TTLL11: variants seen among roughly 807,000 people sequenced by gnomAD.
TTLL11 encodes the protein tubulin tyrosine ligase like 11, also known as tubulin polyglutamylase TTLL11.
TTLL11 carries 42 observed loss-of-function variants against 51.7 expected under a neutral mutation model. The ratio of observed to expected loss-of-function variants is 0.81; its 90% CI spans 0.64 to 1.05. The LOEUF is 1.05. TTLL11 is among the 50% of genes least tolerant of loss of function. The pLI is 0.00. For synonymous variants in TTLL11, 381 were observed against 383.5 expected (o/e 0.99, Z 0.08); for missense variants, 799 against 940.4 (o/e 0.85, Z 1.97).
chr9:121,981,933 A>G (rs554578726), intron 4 of TTLL11, among the ~76,000 whole-genome samples: 13 of 152,254 alleles, frequency 8.5e-5, no homozygotes, highest in Non-Finnish European at 1.9e-4. Flanking sequence ...TCCCCCAGTT[A>G]TTCTTTGTCC....
chr9:121,916,519 A>G (rs1307579669), intron 6 of TTLL11, among the ~76,000 whole-genome samples: 1 of 139,476 alleles, frequency 7.2e-6, no homozygotes, highest in African/African-American at 3.1e-5. Context: ...ACAAAGCAAT[A>G]AAGAAAAAAA....
intron 2 of TTLL11, among the ~76,000 whole-genome samples, chr9:122,035,884 CCCCTG>C (rs1156885143): frequency 4.6e-5 from 7 of 152,196 alleles, no homozygotes; most frequent in African/African-American, 1.7e-4. Context: ...CATCACCCCT[CCCCTG>C]CCCTGCTCAC....
At chr9:121,882,027 T>C (rs1458157854) in intron 6 of TTLL11, among the ~76,000 whole-genome samples, 1 of 152,220 alleles carries the variant, frequency 6.6e-6, no homozygotes, top group Non-Finnish European at 1.5e-5. Flanking sequence ...TCTCCCTATG[T>C]CGCAGCATTG....
chr9:121,945,971 A>T (rs557748611), intron 6 of TTLL11, among the ~76,000 whole-genome samples: 3 of 152,152 alleles, frequency 2.0e-5, no homozygotes, highest in East Asian at 1.9e-4. Flanking sequence ...TCGAAAATAT[A>T]AAAAAAACTC....
At chr9:121,828,609 G>A (rs369467805) in intron 8 of TTLL11, among the ~76,000 whole-genome samples, 40 of 152,102 alleles carry the variant, frequency 2.6e-4, no homozygotes, top group Non-Finnish European at 4.7e-4. Flanking sequence ...TCACCACCCC[G>A]TCCCTGTTGA....
intron 1 of TTLL11, among the ~76,000 whole-genome samples, chr9:122,088,916 G>C (rs1382472083): frequency 1.3e-5 from 2 of 148,940 alleles, no homozygotes; most frequent in African/African-American, 5.0e-5. Context: ...TGAGGCAGGA[G>C]AACTGCTTGA....
intron 7 of TTLL11, among the ~76,000 whole-genome samples, chr9:121,864,039 C>G (rs137886233): frequency 3.3e-4 from 51 of 152,296 alleles, no homozygotes; most frequent in African/African-American, 1.1e-3. Flanking sequence ...TGGGGCTAAG[C>G]AACCAGGGTG....
rs1364206537 is a variant in TTLL11 at position 122,017,488 on chromosome 9, T to C, written c.693+14235A>G. ...AGGGTGAGGCTTTTTTTTTTTTTTT[T>C]TGAGACCCACATTACCCAGACTGGA... On this transcript the variant is annotated intron_variant, in intron 3 of 8. Coordinates refer to ENST00000321582, the MANE Select transcript of TTLL11 (RefSeq NM_001139442.2). Among the ~76,000 whole-genome samples, 4 of 151,570 alleles carry C rather than the reference T, an allele frequency of 2.6e-5. No individual in the cohort carries two copies. In the East Asian group the frequency reaches 7.7e-4, roughly 29 times the overall value.
At chr9:122,071,939 G>A (rs1218136604) in intron 1 of TTLL11, among the ~76,000 whole-genome samples, 2 of 152,152 alleles carry the variant, frequency 1.3e-5, no homozygotes, top group Non-Finnish European at 2.9e-5. Context: ...AATGCTCTCT[G>A]CCCTCAAGGA....
chr9:121,910,039 G>T (rs1282911307), intron 6 of TTLL11, among the ~76,000 whole-genome samples: 1 of 152,184 alleles, frequency 6.6e-6, no homozygotes, highest in African/African-American at 2.4e-5. Flanking sequence ...ATAATGTAAG[G>T]TATGTAGGGC....
intron 7 of TTLL11, among the ~76,000 whole-genome samples, chr9:121,870,247 G>A (rs1838313921): frequency 6.6e-6 from 1 of 152,154 alleles, no homozygotes; most frequent in African/African-American, 2.4e-5. Flanking sequence ...CTCAGCTCAA[G>A]GTAGGCACAG....
At chr9:121,892,169 GATAT>G (rs979910217) in intron 6 of TTLL11, among the ~76,000 whole-genome samples, 5 of 142,152 alleles carry the variant, frequency 3.5e-5, no homozygotes, top group African/African-American at 1.0e-4. Flanking sequence ...TATATACACA[GATAT>G]ATATATACAC....
At chr9:122,053,726 A>G (rs368811415) in intron 1 of TTLL11, among the ~76,000 whole-genome samples, 138 of 152,252 alleles carry the variant, frequency 9.1e-4, no homozygotes, top group African/African-American at 3.2e-3. Context: ...AAAGGCAGTC[A>G]TGGCTCCGCG....
chr9:121,877,148 C>T (rs571632487), intron 6 of TTLL11, among the ~76,000 whole-genome samples: 3 of 152,338 alleles, frequency 2.0e-5, no homozygotes, highest in East Asian at 1.9e-4. Context: ...CCCTGCTGTT[C>T]GGCCAAGGCG....
At position 121,822,348 on chromosome 9, in the gene TTLL11, T is replaced by A. The variant is rs1836603437; in HGVS notation, c.*239A>T. The A allele has an allele frequency of 2.7e-6, 1 of 365,434 alleles. No individual in the cohort carries two copies. Among genetic ancestry groups the A allele is most frequent in the African/African-American group, 2.1e-5 (1 of 47,692 alleles). The allele number at this position is 365,434 out of a possible 1,614,324, so 22.6% of individuals were successfully genotyped here. On this transcript the variant is annotated 3_prime_UTR_variant, in exon 9 of 9. Transcript: ENST00000321582. This position sits in a 1 kb window ranked among gnomAD's most constrained non-coding sequence, Gnocchi z 5.8. ...CATCTGTCACGTTTTAGATGTCATA[T>A]GTCCGATGACTGATGACTCAGAAAC...
intron 1 of TTLL11, among the ~76,000 whole-genome samples, chr9:122,046,495 G>T (rs1230455201): frequency 6.6e-6 from 1 of 152,090 alleles, no homozygotes; most frequent in East Asian, 1.9e-4. Context: ...TGCAGCTGAG[G>T]GGCCATTTGT....
chr9:121,950,035 T>G (rs916119413), intron 6 of TTLL11, among the ~76,000 whole-genome samples: 1 of 152,088 alleles, frequency 6.6e-6, no homozygotes, highest in African/African-American at 2.4e-5. Context: ...CTTTTCCCTA[T>G]GACTAAGGAG....
At chr9:121,950,120 G>A (rs947596079) in intron 6 of TTLL11, among the ~76,000 whole-genome samples, 1 of 152,044 alleles carries the variant, frequency 6.6e-6, no homozygotes, top group East Asian at 1.9e-4. Context: ...ACCATGTTGC[G>A]TCTGCACTAG....
At chr9:122,079,415 T>A (rs1845942525) in intron 1 of TTLL11, among the ~76,000 whole-genome samples, 1 of 151,766 alleles carries the variant, frequency 6.6e-6, no homozygotes, top group Non-Finnish European at 1.5e-5. Flanking sequence ...ACCTAAGAAA[T>A]CACCTATCAA....
Sources: allele counts gnomAD v4.1 joint callset (sites outside exome capture counted in the v4.1 genomes callset), GRCh38; gene constraint gnomAD v4.1.1; non-coding constraint Gnocchi (gnomAD v3.1); transcripts MANE v1.5; gene names NCBI Gene and HGNC (gene_info 2026-07-23, HGNC 2026-07-21).